Variants in KPNA4 observed in about 807,000 individuals in gnomAD.
The protein encoded by KPNA4 is importin subunit alpha-3.
Under a neutral mutation model 71.3 loss-of-function variants are expected in KPNA4, and 13 were observed. The ratio of observed to expected loss-of-function variants is 0.18; its 90% CI spans 0.12 to 0.29. The LOEUF (loss-of-function observed/expected upper bound fraction) is 0.29. Among genes scored for constraint, KPNA4 ranks in the 10% least tolerant of loss-of-function variants. The probability of loss-of-function intolerance (pLI) is 1.00; values close to 1 mark genes in which losing one functional copy is unlikely to be tolerated. For missense variants in KPNA4, 334 were observed against 603.2 expected (o/e 0.55, Z 4.67); for synonymous variants, 189 against 195.2 (o/e 0.97, Z 0.26).
intron 5 of KPNA4, among the ~76,000 whole-genome samples, chr3:160,533,920 A>T (rs776644933): frequency 6.6e-6 from 1 of 152,140 alleles, no homozygotes; most frequent in African/African-American, 2.4e-5. Flanking sequence ...CCAATATTCA[A>T]CTCTGACAAT....
chr3:160,528,453 C>T (rs1227122146), intron 7 of KPNA4, among the ~76,000 whole-genome samples: 15 of 152,140 alleles, frequency 9.9e-5, no homozygotes, highest in Admixed American at 3.9e-4. Flanking sequence ...GCAACCTCTG[C>T]CTCCCAAGCT....
intron 10 of KPNA4, among the ~76,000 whole-genome samples, chr3:160,523,788 T>C (rs921465583): frequency 6.6e-6 from 1 of 152,052 alleles, no homozygotes; most frequent in East Asian, 1.9e-4. Flanking sequence ...GAGGCAGAGG[T>C]TGCAGTGAGT....
Position 160,565,362 on chromosome 3 carries a change from A to T in KPNA4, c.-80T>A. On this transcript the variant is annotated 5_prime_UTR_variant, in exon 1 of 17. Coordinates refer to ENST00000334256, the MANE Select transcript of KPNA4 (RefSeq NM_002268.5). ...AACGCGCCGCACCGACACTCCCAGGAACCGGGCCGCCGCCTGAGCTGCTGT... is the reference window on the plus strand; with the variant it reads ...AACGCGCCGCACCGACACTCCCAGGTACCGGGCCGCCGCCTGAGCTGCTGT... 6 of 1,216,648 alleles carry T rather than the reference A, an allele frequency of 4.9e-6. No homozygotes were observed. The highest frequency in any genetic ancestry group is 5.9e-6 in the Non-Finnish European group (5 of 850,750). The allele number at this position is 1,216,648 out of a possible 1,614,324, so 75.4% of individuals were successfully genotyped here.
intron 10 of KPNA4, among the ~76,000 whole-genome samples, chr3:160,525,597 T>C (rs1042096205): frequency 6.6e-6 from 1 of 152,200 alleles, no homozygotes; most frequent in African/African-American, 2.4e-5. Context: ...ACTGGTATTA[T>C]ATTTTGTGAT....
rs1720777241 is a variant in KPNA4 at position 160,497,011 on chromosome 3, A to C, written c.*5093T>G. 1 of 152,236 alleles carries C rather than the reference A, an allele frequency of 6.6e-6. No homozygotes were observed. The highest frequency in any genetic ancestry group is 1.5e-5 in the Non-Finnish European group (1 of 68,046). 9.4% of individuals were successfully genotyped at this position (152,236 alleles called of 1,614,324 possible). On this transcript the variant is annotated 3_prime_UTR_variant, in exon 17 of 17. Transcript: ENST00000334256. ...AATGTTAAATCTACTTTTCTTATAC[A>C]TGATTGGTGTGCTTAGTTTTTTATC...
intron 1 of KPNA4, among the ~76,000 whole-genome samples, chr3:160,551,848 G>A (rs1246642740): frequency 6.7e-6 from 1 of 148,846 alleles, no homozygotes; most frequent in Non-Finnish European, 1.5e-5. Context: ...GTTTACTGAA[G>A]TAACTGTATT....
At chr3:160,512,786 C>T (rs961406076) in intron 13 of KPNA4, among the ~76,000 whole-genome samples, 2 of 151,992 alleles carry the variant, frequency 1.3e-5, no homozygotes, top group Non-Finnish European at 2.9e-5. Context: ...GAGCTGATAT[C>T]GTGTCACTGC....
intron 1 of KPNA4, among the ~76,000 whole-genome samples, chr3:160,549,546 T>C (rs1027581767): frequency 6.6e-6 from 1 of 152,238 alleles, no homozygotes; most frequent in East Asian, 1.9e-4. Flanking sequence ...CTCCAATGTG[T>C]AGTCTTGGTA....
chr3:160,564,898 C>T (rs1231545306), intron 1 of KPNA4, among the ~76,000 whole-genome samples: 1 of 147,572 alleles, frequency 6.8e-6, no homozygotes, highest in African/African-American at 2.4e-5. Flanking sequence ...CGCACACGCA[C>T]GCCTCCTCCG....
Position 160,514,299 on chromosome 3 carries a change from TAAA to T in KPNA4, c.1033-121_1033-119del, listed in dbSNP as rs957627878. 1.4e-5 allele frequency: 9 copies of T among 645,900 alleles called. No homozygotes were observed. The African/African-American group carries it at 1.6e-4, about 11-fold the overall frequency. 40.0% of individuals were successfully genotyped at this position (645,900 alleles called of 1,614,324 possible). On this transcript the variant is annotated intron_variant, in intron 12 of 16. Coordinates refer to ENST00000334256, the MANE Select transcript of KPNA4 (RefSeq NM_002268.5). Reference sequence around the variant, plus strand: ...TTTTACTACGAAATGAGCTCCATAATAAAAATCTCAGGAATCTCAATTCCTTTA... The same window carrying T: ...TTTTACTACGAAATGAGCTCCATAATAATCTCAGGAATCTCAATTCCTTTA...
chr3:160,535,631 A>C (rs1178500911), intron 4 of KPNA4, 30 bp downstream of exon 4: 1 of 1,587,564 alleles, frequency 6.3e-7, no homozygotes, highest in Non-Finnish European at 8.5e-7. Flanking sequence ...CAAGAAATGC[A>C]AATGAAGAGA....
intron 1 of KPNA4, among the ~76,000 whole-genome samples, chr3:160,557,963 TG>T: frequency 6.6e-6 from 1 of 152,344 alleles, no homozygotes; most frequent in African/African-American, 2.4e-5. Context: ...ATTACAGGCA[TG>T]AGCCACTGTG....
rs1431718421 is a variant in KPNA4 at position 160,498,524 on chromosome 3, G to C, written c.*3580C>G. 1 of 152,244 alleles carries C rather than the reference G, an allele frequency of 6.6e-6. No individual in the cohort carries two copies. The highest frequency in any genetic ancestry group is 6.5e-5 in the Admixed American group (1 of 15,284). The allele number at this position is 152,244 out of a possible 1,614,324, so 9.4% of individuals were successfully genotyped here. A position where few individuals can be genotyped will look rare whatever the true frequency, so the allele number is the denominator to read the frequency against. On this transcript the variant is annotated 3_prime_UTR_variant, in exon 17 of 17. Coordinates refer to ENST00000334256, the MANE Select transcript of KPNA4 (RefSeq NM_002268.5). ...AAGGGATTTTGCAGGGGTAATGAAG[G>C]TACCTCATCAGTTTGGCTTTGGGTT...
At chr3:160,524,893 C>A (rs961659840) in intron 10 of KPNA4, among the ~76,000 whole-genome samples, 1 of 152,186 alleles carries the variant, frequency 6.6e-6, no homozygotes, top group Non-Finnish European at 1.5e-5. Flanking sequence ...GGCCAAAAGG[C>A]ATAGGCCTTT....
In KPNA4 at chr3:160,509,684, G is replaced by A. The variant is rs1721053855; in HGVS notation, c.1209+116C>T. 6.5e-6 allele frequency: 5 copies of A among 763,580 alleles called. No homozygotes were observed. The East Asian group carries it at 1.3e-4, about 20-fold the overall frequency. The allele number at this position is 763,580 out of a possible 1,614,324, so 47.3% of individuals were successfully genotyped here. A position where few individuals can be genotyped will look rare whatever the true frequency, so the allele number is the denominator to read the frequency against. On this transcript the variant is annotated intron_variant, in intron 14 of 16. Transcript: ENST00000334256. ...TGGCCTCGGGTGATCCTCCAGCCTT[G>A]GCCTCCCAGGGTGTTGCTATTATTT...
intron 5 of KPNA4, among the ~76,000 whole-genome samples, chr3:160,533,691 C>G (rs1258685643): frequency 6.6e-6 from 1 of 152,108 alleles, no homozygotes; most frequent in Admixed American, 6.5e-5. Flanking sequence ...CAATTTTACT[C>G]ACAGTTGCTT....
chr3:160,506,798 C>G (rs946243753), intron 15 of KPNA4, among the ~76,000 whole-genome samples: 3 of 152,120 alleles, frequency 2.0e-5, no homozygotes, highest in African/African-American at 7.2e-5. Context: ...TAACACTATT[C>G]CCCATCTCTT....
intron 1 of KPNA4, among the ~76,000 whole-genome samples, chr3:160,556,829 A>T (rs1722146925): frequency 6.6e-6 from 1 of 152,236 alleles, no homozygotes; most frequent in Admixed American, 6.5e-5. Context: ...AACAAATTTA[A>T]GGTGTCTGAA....
chr3:160,527,871 T>C (rs1721488599), intron 8 of KPNA4, 82 bp downstream of exon 8: 2 of 1,029,496 alleles, frequency 1.9e-6, no homozygotes, highest in Non-Finnish European at 1.5e-6. Flanking sequence ...AACTGTTTTC[T>C]CTTTTGGATT....
Sources: allele counts gnomAD v4.1 joint callset (sites outside exome capture counted in the v4.1 genomes callset), GRCh38; gene constraint gnomAD v4.1.1; transcripts MANE v1.5; gene names NCBI Gene and HGNC (gene_info 2026-07-23, HGNC 2026-07-21).